The following TMEM163 variants were observed in gnomAD, a reference collection of about 807,000 sequenced individuals.
TMEM163 encodes transmembrane protein 163.
A neutral mutation model predicts 29.3 loss-of-function variants in TMEM163; 17 were observed. That is an observed-to-expected ratio of 0.58 (90% CI 0.40 to 0.87). The LOEUF is 0.87. Among genes scored for constraint, TMEM163 ranks in the 40% least tolerant of loss-of-function variants. TMEM163 has a pLI of 0.00. For missense variants in TMEM163, 303 were observed against 381.5 expected, an observed-to-expected ratio of 0.79 and a Z score of 1.71; for synonymous variants, 157 against 160.6, an observed-to-expected ratio of 0.98 and a Z score of 0.17.
intron 2 of TMEM163, among the ~76,000 whole-genome samples, chr2:134,663,219 G>T (rs1683796772): frequency 6.6e-6 from 1 of 152,252 alleles, no homozygotes; most frequent in Admixed American, 6.5e-5. Context: ...TAAGCCTTGT[G>T]ATTCCTTATG....
intron 1 of TMEM163, among the ~76,000 whole-genome samples, chr2:134,718,229 C>A (rs1367948518): frequency 6.6e-6 from 1 of 152,234 alleles, no homozygotes; most frequent in African/African-American, 2.4e-5. Context: ...CCTCCTTGCG[C>A]CCTTCGCCGG....
At chr2:134,658,193 G>A (rs561739551) in intron 2 of TMEM163, among the ~76,000 whole-genome samples, 8 of 152,324 alleles carry the variant, frequency 5.3e-5, no homozygotes, top group Admixed American at 1.3e-4. Flanking sequence ...ATGAGAACAT[G>A]AAGCAACATC....
chr2:134,542,129 G>A (rs977087002), intron 4 of TMEM163, among the ~76,000 whole-genome samples: 1 of 152,170 alleles, frequency 6.6e-6, no homozygotes, highest in Admixed American at 6.5e-5. Context: ...TTTATTCCAT[G>A]TTCTTGAAAA....
At chr2:134,597,090 T>C (rs545399133) in intron 2 of TMEM163, among the ~76,000 whole-genome samples, 19 of 152,110 alleles carry the variant, frequency 1.2e-4, no homozygotes, top group Non-Finnish European at 2.4e-4. Flanking sequence ...CTTTTCCTAA[T>C]TGAATACCCT....
At chr2:134,642,128 ATTTT>A (rs1011968095) in intron 2 of TMEM163, among the ~76,000 whole-genome samples, 1 of 147,252 alleles carries the variant, frequency 6.8e-6, no homozygotes, top group African/African-American at 2.5e-5. Flanking sequence ...CCAATCCACG[ATTTT>A]TTTTTTTTCT....
chr2:134,465,373 AC>A (rs1305612221), intron 6 of TMEM163, among the ~76,000 whole-genome samples: 1 of 152,062 alleles, frequency 6.6e-6, no homozygotes, highest in Non-Finnish European at 1.5e-5. Context: ...GCACCCACCA[AC>A]CCACCAACCC....
intron 5 of TMEM163, among the ~76,000 whole-genome samples, chr2:134,472,190 C>T (rs1574157606): frequency 6.6e-6 from 1 of 152,266 alleles, no homozygotes; most frequent in South Asian, 2.1e-4. Context: ...GATTGATATA[C>T]TTGACTAGAG....
chr2:134,474,027 C>T (rs1049398944), intron 5 of TMEM163, among the ~76,000 whole-genome samples: 28 of 152,172 alleles, frequency 1.8e-4, no homozygotes, highest in African/African-American at 6.8e-4. Context: ...CTGAGGCCAG[C>T]ATTACCATGA....
chr2:134,479,020 C>G (rs1372104908), intron 5 of TMEM163, among the ~76,000 whole-genome samples: 1 of 152,188 alleles, frequency 6.6e-6, no homozygotes, highest in Non-Finnish European at 1.5e-5. Context: ...GACATCCTTG[C>G]TTCTTCCCCA....
chr2:134,615,044 GAC>G (rs1327097805), intron 2 of TMEM163, among the ~76,000 whole-genome samples: 11 of 151,558 alleles, frequency 7.3e-5, no homozygotes, highest in Non-Finnish European at 1.0e-4. Context: ...CATTAACATA[GAC>G]ACACACACAC....
chr2:134,663,287 T>C (rs1683798247), intron 2 of TMEM163, among the ~76,000 whole-genome samples: 1 of 152,250 alleles, frequency 6.6e-6, no homozygotes, highest in African/African-American at 2.4e-5. Flanking sequence ...TTACATCTTC[T>C]GTTTGTCCTA....
intron 2 of TMEM163, among the ~76,000 whole-genome samples, chr2:134,687,681 T>C (rs1411339497): frequency 6.6e-6 from 1 of 152,198 alleles, no homozygotes; most frequent in Non-Finnish European, 1.5e-5. Context: ...TAATTCATTA[T>C]AAATCACATA....
intron 2 of TMEM163, among the ~76,000 whole-genome samples, chr2:134,555,836 T>A (rs1419578339): frequency 1.3e-5 from 2 of 152,204 alleles, no homozygotes; most frequent in African/African-American, 4.8e-5. Flanking sequence ...CATAAGAGCA[T>A]CCTGATTCTC....
At chr2:134,510,016 T>C (rs918011024) in intron 4 of TMEM163, among the ~76,000 whole-genome samples, 3 of 152,260 alleles carry the variant, frequency 2.0e-5, no homozygotes, top group African/African-American at 7.2e-5. Context: ...CTGGAGCATT[T>C]GGCCCCAGGG....
intron 2 of TMEM163, among the ~76,000 whole-genome samples, chr2:134,563,865 A>C: frequency 6.6e-6 from 1 of 152,200 alleles, no homozygotes; most frequent in East Asian, 1.9e-4. Flanking sequence ...GACCAACCTG[A>C]CAACATGGAG....
intron 2 of TMEM163, among the ~76,000 whole-genome samples, chr2:134,561,205 T>C (rs1296071100): frequency 6.6e-6 from 1 of 152,202 alleles, no homozygotes; most frequent in Non-Finnish European, 1.5e-5. Flanking sequence ...TTTATTATTA[T>C]TATTTTTGTT....
rs1382542455 is a variant in TMEM163, at chr2:134,718,894, C to T, written c.42G>A (p.Gly14=). Residue 14 remains glycine (G), a synonymous_variant, in exon 1 of 8, where the codon GGG becomes GGA. Transcript: ENST00000281924. ...CCCGGGGCGGCGGCGGGACGGTGGG[C>T]CCCTGGGAGCTGCGGCGCTGGATGC... The part of the protein sequence containing the change: ...AAGIQRRSSQ[G]PTVPPPPRGH... The T allele has an allele frequency of 1.0e-5, 11 of 1,089,150 alleles. No individual in the cohort carries two copies. Among genetic ancestry groups the T allele is most frequent in the East Asian group, 5.9e-5 (1 of 16,816 alleles). The allele number at this position is 1,089,150 out of a possible 1,614,324, so 67.5% of individuals were successfully genotyped here. A position where few individuals can be genotyped will look rare whatever the true frequency, so the allele number is the denominator to read the frequency against.
At chr2:134,631,950 T>C (rs1260500505) in intron 2 of TMEM163, among the ~76,000 whole-genome samples, 1 of 152,184 alleles carries the variant, frequency 6.6e-6, no homozygotes, top group Non-Finnish European at 1.5e-5. Flanking sequence ...TGTGGTGCCA[T>C]GAAGAGACAG....
Position 134,682,575 on chromosome 2 carries a change from T to C in TMEM163, c.322+30625A>G, listed in dbSNP as rs1282654557. Among the ~76,000 whole-genome samples, 3 of 152,188 alleles carry C rather than the reference T, an allele frequency of 2.0e-5. No homozygotes were observed. The East Asian group carries it at 5.8e-4, about 29-fold the overall frequency. On this transcript the variant is annotated intron_variant, in intron 2 of 7. Coordinates refer to ENST00000281924, the MANE Select transcript of TMEM163 (RefSeq NM_030923.5). ...TTCTTCATTCTCACACTTACAAATA[T>C]AATTAAAACAACGAGCTACCATAAC...
Sources: allele counts gnomAD v4.1 joint callset (sites outside exome capture counted in the v4.1 genomes callset), GRCh38; gene constraint gnomAD v4.1.1; transcripts MANE v1.5; gene names NCBI Gene and HGNC (gene_info 2026-07-23, HGNC 2026-07-21).